Variants in EPC2 observed in about 807,000 individuals in gnomAD.
EPC2 encodes enhancer of polycomb 2, also known as enhancer of polycomb homolog 2.
A neutral mutation model predicts 92.1 loss-of-function variants in EPC2; 14 were observed. The observed-to-expected ratio is 0.15, with a 90% CI of 0.10 to 0.24. The LOEUF (loss-of-function observed/expected upper bound fraction) is 0.24. EPC2 is among the 10% of genes least tolerant of loss of function. The probability of loss-of-function intolerance (pLI) is 1.00; values close to 1 mark genes in which losing one functional copy is unlikely to be tolerated. For missense variants in EPC2, 755 were observed against 971.5 expected, an observed-to-expected ratio of 0.78 and a Z score of 2.96; for synonymous variants, 340 against 334.7, an observed-to-expected ratio of 1.02 and a Z score of -0.17.
At chr2:148,741,741 T>G (rs1682883362) in intron 2 of EPC2, among the ~76,000 whole-genome samples, 1 of 152,196 alleles carries the variant, frequency 6.6e-6, no homozygotes, top group Non-Finnish European at 1.5e-5. Context: ...TTGTGGCACT[T>G]TAGTTTTTTT....
intron 4 of EPC2, among the ~76,000 whole-genome samples, chr2:148,755,395 C>G (rs1355211616): frequency 6.6e-6 from 1 of 151,786 alleles, no homozygotes; most frequent in Non-Finnish European, 1.5e-5. Flanking sequence ...AAACCCTGAA[C>G]TATCAATCGC....
intron 3 of EPC2, among the ~76,000 whole-genome samples, chr2:148,753,687 C>A (rs541394921): frequency 6.6e-6 from 1 of 152,172 alleles, no homozygotes; most frequent in South Asian, 2.1e-4. Flanking sequence ...ATTGATCCAG[C>A]CTTCTTAAAT....
chr2:148,676,824 C>T (rs1007852829), intron 1 of EPC2, among the ~76,000 whole-genome samples: 1 of 147,458 alleles, frequency 6.8e-6, no homozygotes. Context: ...GTCTTATAAA[C>T]AGTGCCATGA....
At chr2:148,712,911 T>C (rs1682180284) in intron 2 of EPC2, among the ~76,000 whole-genome samples, 1 of 150,958 alleles carries the variant, frequency 6.6e-6, no homozygotes, top group South Asian at 2.1e-4. Flanking sequence ...TATAGCATGC[T>C]AGCCAGGTGC....
intron 10 of EPC2, among the ~76,000 whole-genome samples, chr2:148,778,872 A>G (rs1189468458): frequency 6.6e-6 from 1 of 152,200 alleles, no homozygotes; most frequent in East Asian, 1.9e-4. Context: ...TGAGGGGGAA[A>G]AGAAAAAAAT....
At chr2:148,696,266 CAGTG>C (rs1052490713) in intron 2 of EPC2, among the ~76,000 whole-genome samples, 6 of 152,124 alleles carry the variant, frequency 3.9e-5, no homozygotes, top group Admixed American at 6.5e-5. Context: ...TTGGACAACA[CAGTG>C]AGACCTTGTC....
chr2:148,703,513 G>A (rs1483211073), intron 2 of EPC2, among the ~76,000 whole-genome samples: 6 of 152,026 alleles, frequency 3.9e-5, no homozygotes, highest in Non-Finnish European at 5.9e-5. Context: ...CCTGAAAAAT[G>A]AGGGTTTTTG....
At chr2:148,668,586 T>G (rs1681097139) in intron 1 of EPC2, among the ~76,000 whole-genome samples, 3 of 152,214 alleles carry the variant, frequency 2.0e-5, no homozygotes, top group African/African-American at 7.2e-5. Flanking sequence ...TTTCTTTGTG[T>G]GAACTTTTAA....
intron 1 of EPC2, among the ~76,000 whole-genome samples, chr2:148,679,319 G>A (rs1319675900): frequency 2.0e-5 from 3 of 152,112 alleles, no homozygotes; most frequent in African/African-American, 7.2e-5. Context: ...TGATTCTCTT[G>A]TAAAATGATG....
chr2:148,646,517 A>G (rs911631148), intron 1 of EPC2, among the ~76,000 whole-genome samples: 9 of 152,064 alleles, frequency 5.9e-5, no homozygotes, highest in Non-Finnish European at 8.8e-5. Flanking sequence ...GTGTGTGCAT[A>G]TATATAAATA....
At chr2:148,743,590 C>A in intron 2 of EPC2, 32 bp from the exon 3 acceptor site, 1 of 1,482,854 alleles carries the variant, frequency 6.7e-7, no homozygotes, top group Non-Finnish European at 9.0e-7. Context: ...ATAATTTCTC[C>A]TGAGTTTGAA....
intron 3 of EPC2, among the ~76,000 whole-genome samples, chr2:148,744,989 G>GCCCCCCCCCCCCCCCCC (rs34269450): frequency 4.3e-5 from 2 of 46,296 alleles, no homozygotes; most frequent in Non-Finnish European, 4.9e-5. Flanking sequence ...CTATCAGTTT[G>GCCCCCCCCCCCCCCCCC]CCCCCCCCCC....
chr2:148,652,508 C>T (rs989982076), intron 1 of EPC2, among the ~76,000 whole-genome samples: 3 of 152,150 alleles, frequency 2.0e-5, no homozygotes, highest in South Asian at 2.1e-4. Flanking sequence ...TGTTTGACCG[C>T]GTAGAAATTA....
At chr2:148,675,956 G>A (rs1238852954) in intron 1 of EPC2, among the ~76,000 whole-genome samples, 1 of 152,168 alleles carries the variant, frequency 6.6e-6, no homozygotes, top group East Asian at 1.9e-4. Flanking sequence ...AACTTGGTAA[G>A]ATGGAAAAGC....
rs199529935 is a variant in EPC2, at chr2:148,658,776, TTAC to T, written c.153+13611_153+13613del. 6.3e-4 allele frequency among the ~76,000 whole-genome samples: 95 copies of T among 151,866 alleles called. No homozygotes were observed. The East Asian group carries it at 0.015, about 25-fold the overall frequency. On this transcript the variant is annotated intron_variant, in intron 1 of 13. Transcript: ENST00000258484. ...TTCAGCGACATGGGTTATATATTAC[TTAC>T]TACTTATGCAATGATAAGTGATAAA...
intron 1 of EPC2, among the ~76,000 whole-genome samples, chr2:148,686,568 TC>T (rs1449326134): frequency 1.3e-5 from 2 of 152,230 alleles, no homozygotes; most frequent in African/African-American, 2.4e-5. Context: ...CTCAGATCCA[TC>T]AGAGGAATTT....
chr2:148,663,392 G>A (rs1389891417), intron 1 of EPC2, among the ~76,000 whole-genome samples: 1 of 150,702 alleles, frequency 6.6e-6, no homozygotes, highest in East Asian at 1.9e-4. Context: ...CTAATTTTTT[G>A]TATTTTTAGT....
chr2:148,767,197 CAAAAAAAAAA>C (rs11364622), intron 7 of EPC2, among the ~76,000 whole-genome samples: 1 of 124,320 alleles, frequency 8.0e-6, no homozygotes, highest in Non-Finnish European at 1.7e-5. Context: ...GACCCTGTTT[CAAAAAAAAAA>C]AAAAAAAATG....
chr2:148,696,965 T>G (rs770103327), intron 2 of EPC2, among the ~76,000 whole-genome samples: 33 of 152,226 alleles, frequency 2.2e-4, no homozygotes, highest in Middle Eastern at 3.2e-3. Context: ...CAGTTATGGG[T>G]AAAAGATAGT....
Sources: allele counts gnomAD v4.1 joint callset (sites outside exome capture counted in the v4.1 genomes callset), GRCh38; gene constraint gnomAD v4.1.1; transcripts MANE v1.5; gene names NCBI Gene and HGNC (gene_info 2026-07-23, HGNC 2026-07-21).